The following PCDHGA5 variants were observed in gnomAD, a reference collection of about 807,000 sequenced individuals.
The protein encoded by PCDHGA5 is protocadherin gamma-A5.
A neutral mutation model predicts 56.7 loss-of-function variants in PCDHGA5; 36 were observed. That is an observed-to-expected ratio of 0.64 (90% CI 0.49 to 0.84). The LOEUF (loss-of-function observed/expected upper bound fraction) is 0.84. PCDHGA5 is among the 40% of genes least tolerant of loss of function. The pLI is 0.00. For missense variants in PCDHGA5, 1,305 were observed against 1,201.5 expected (o/e 1.09, Z -1.27); for synonymous variants, 563 against 520.2 (o/e 1.08, Z -1.12).
intron 1 of PCDHGA5, chr5:141,484,853 G>T (rs747582810): frequency 2.5e-4 from 64 of 251,466 alleles, no homozygotes; most frequent in Non-Finnish European, 4.3e-4. Flanking sequence ...GGGTTTTTTG[G>T]GGGGTGGGGG....
intron 1 of PCDHGA5, chr5:141,384,872 T>C (rs773444317): frequency 1.9e-6 from 3 of 1,613,766 alleles, no homozygotes; most frequent in Non-Finnish European, 1.7e-6. Flanking sequence ...TCAGCCACCG[T>C]CACACTCACC....
At chr5:141,427,599 C>G (rs1233253295) in intron 1 of PCDHGA5, 1 of 682,980 alleles carries the variant, frequency 1.5e-6, no homozygotes, top group African/African-American at 1.8e-5. Flanking sequence ...CCTCACCCTA[C>G]GCATTGGTGA....
Position 141,418,952 on chromosome 5 carries a change from G to C in PCDHGA5, c.2421+52201G>C, listed in dbSNP as rs1377467334. On this transcript the variant is annotated intron_variant, in intron 1 of 3. Coordinates refer to ENST00000518069, the MANE Select transcript of PCDHGA5 (RefSeq NM_018918.3). ...TATGGAGGATTCCCCTCCAGGAGTG[G>C]TTGTTGCCCTCTTCAAAACACGGGA... 4.3e-6 allele frequency: 7 copies of C among 1,613,932 alleles called. No individual in the cohort carries two copies. Among genetic ancestry groups the C allele is most frequent in the Non-Finnish European group, 5.9e-6 (7 of 1,179,908 alleles).
At chr5:141,422,568 C>A (rs372115955) in intron 1 of PCDHGA5, 5 of 1,613,904 alleles carry the variant, frequency 3.1e-6, no homozygotes, top group Admixed American at 3.3e-5. Context: ...CAGATGACAA[C>A]GATAACCCTC....
At chr5:141,483,660 G>T (rs943362284) in intron 1 of PCDHGA5, among the ~76,000 whole-genome samples, 4 of 152,094 alleles carry the variant, frequency 2.6e-5, no homozygotes, top group Admixed American at 2.0e-4. Flanking sequence ...GTGTGTGTGT[G>T]TGTGTGTGTA....
chr5:141,469,283 T>C (rs576231993), intron 1 of PCDHGA5, among the ~76,000 whole-genome samples: 1 of 149,898 alleles, frequency 6.7e-6, no homozygotes, highest in African/African-American at 2.5e-5. Flanking sequence ...TCTCAAAAAA[T>C]AAAACAAAAT....
chr5:141,388,773 G>C, intron 1 of PCDHGA5: 4 of 1,613,808 alleles, frequency 2.5e-6, no homozygotes, highest in Non-Finnish European at 3.4e-6. Context: ...CTCTAACACC[G>C]GGGAAATTAC....
intron 1 of PCDHGA5, among the ~76,000 whole-genome samples, chr5:141,474,463 T>C (rs1447737626): frequency 6.6e-6 from 1 of 152,228 alleles, no homozygotes; most frequent in Admixed American, 6.5e-5. Flanking sequence ...GCTATACTCT[T>C]TATTCTAAAT....
rs758409280 is a variant in PCDHGA5, at chr5:141,366,109, G to A, written c.1779G>A (p.Ala593=). ...EPGYLVTKVV[A]VDKDSGQNAW... is the part of the protein sequence containing the mutation. ...GCTACCTGGTGACCAAGGTGGTAGC[G>A]GTGGACAAAGATTCAGGCCAGAACG... The change falls in exon 1 of 4, where the codon GCG becomes GCA. Residue 593 remains alanine, a synonymous_variant. Transcript: ENST00000518069. 1.4e-5 allele frequency: 23 copies of A among 1,614,104 alleles called. No individual in the cohort carries two copies. The Admixed American group carries it at 2.2e-4, about 15-fold the overall frequency.
chr5:141,422,831 C>A (rs766457129), intron 1 of PCDHGA5: 11 of 1,614,242 alleles, frequency 6.8e-6, no homozygotes, highest in Non-Finnish European at 6.8e-6. Context: ...AGAGTGATAG[C>A]ACGTGACAGC....
intron 1 of PCDHGA5, chr5:141,415,979 C>T (rs2095978015): frequency 2.8e-6 from 1 of 351,190 alleles, no homozygotes; most frequent in Middle Eastern, 8.3e-4. Flanking sequence ...TTAAGCAACC[C>T]TCTTGTTCTG....
At chr5:141,465,779 G>A (rs1199779963) in intron 1 of PCDHGA5, among the ~76,000 whole-genome samples, 2 of 145,170 alleles carry the variant, frequency 1.4e-5, no homozygotes, top group African/African-American at 5.0e-5. Flanking sequence ...TCTTGTTACA[G>A]TTTTTTTTTT....
chr5:141,509,577 C>G (rs569743928), intron 3 of PCDHGA5, among the ~76,000 whole-genome samples: 2 of 152,320 alleles, frequency 1.3e-5, no homozygotes, highest in African/African-American at 2.4e-5. Context: ...ACAGTGCGTA[C>G]AAATCAGCTG....
chr5:141,384,623 T>C (rs906239388), intron 1 of PCDHGA5: 7 of 1,614,092 alleles, frequency 4.3e-6, no homozygotes, highest in African/African-American at 1.3e-5. Flanking sequence ...TCTACTGGCA[T>C]GGAGCTGGCA....
chr5:141,444,373 G>A (rs2098434682), intron 1 of PCDHGA5, among the ~76,000 whole-genome samples: 1 of 151,902 alleles, frequency 6.6e-6, no homozygotes, highest in South Asian at 2.1e-4. Context: ...GTTTCTCCAT[G>A]TTGGTCAGGC....
intron 1 of PCDHGA5, chr5:141,422,216 C>T (rs1241784107): frequency 6.4e-7 from 1 of 1,563,862 alleles, no homozygotes; most frequent in African/African-American, 1.4e-5. Flanking sequence ...GGTCTCTTTA[C>T]CACCACGACG....
At chr5:141,369,130 A>G (rs1214670751) in intron 1 of PCDHGA5, among the ~76,000 whole-genome samples, 1 of 152,246 alleles carries the variant, frequency 6.6e-6, no homozygotes, top group Non-Finnish European at 1.5e-5. Context: ...CCTGTCAGAA[A>G]CATGGAAAAT....
intron 1 of PCDHGA5, chr5:141,399,082 G>A: frequency 6.2e-7 from 1 of 1,613,822 alleles, no homozygotes; most frequent in East Asian, 2.2e-5. Flanking sequence ...AGAAGGGAGG[G>A]ATGGTGGTGG....
intron 1 of PCDHGA5, chr5:141,383,409 C>A (rs199780721): frequency 4.3e-6 from 7 of 1,613,892 alleles, no homozygotes; most frequent in Non-Finnish European, 5.9e-6. Flanking sequence ...TCCAGAGTTA[C>A]CAGCTCAGCC....
Sources: gnomAD v4.1 joint callset for allele counts (sites outside exome capture counted in the v4.1 genomes callset) on GRCh38, gnomAD v4.1.1 for gene constraint, MANE v1.5 for transcripts, NCBI Gene and HGNC (gene_info 2026-07-23, HGNC 2026-07-21) for gene names.